The following HDAC9 variants were observed in gnomAD, a reference collection of about 807,000 sequenced individuals.
HDAC9 encodes MEF-2 interacting transcription repressor (MITR) protein.
A neutral mutation model predicts 139.4 loss-of-function variants in HDAC9; 41 were observed. The ratio of observed to expected loss-of-function variants is 0.29; its 90% CI spans 0.23 to 0.38. The LOEUF (loss-of-function observed/expected upper bound fraction) is 0.38. HDAC9 is among the 10% of genes least tolerant of loss of function. HDAC9 has a pLI of 1.00. For synonymous variants in HDAC9, 517 were observed against 476.2 expected (o/e 1.09, Z -1.12); for missense variants, 1,147 against 1,297.0 (o/e 0.88, Z 1.78).
chr7:18,961,561 AT>A (rs1230383189), intron 24 of HDAC9, among the ~76,000 whole-genome samples: 1 of 152,184 alleles, frequency 6.6e-6, no homozygotes, highest in Admixed American at 6.6e-5. Flanking sequence ...CGGAATATAC[AT>A]TTTCACTGTA....
At chr7:18,336,959 TTAAAG>T (rs1162004542) in intron 1 of HDAC9, among the ~76,000 whole-genome samples, 3 of 151,630 alleles carry the variant, frequency 2.0e-5, no homozygotes, top group Non-Finnish European at 3.0e-5. Flanking sequence ...AAGCGTATAA[TTAAAG>T]TAAAATGAGC....
At chr7:18,883,495 A>G (rs1032544921) in intron 22 of HDAC9, among the ~76,000 whole-genome samples, 5 of 152,170 alleles carry the variant, frequency 3.3e-5, no homozygotes, top group African/African-American at 1.2e-4. Context: ...ATGTCCTTTT[A>G]TAATAAAAAC....
At chr7:18,329,400 C>A (rs1437166350) in intron 1 of HDAC9, among the ~76,000 whole-genome samples, 1 of 151,506 alleles carries the variant, frequency 6.6e-6, no homozygotes, top group African/African-American at 2.4e-5. Context: ...TAACATAAAT[C>A]AAAATAACAT....
intron 2 of HDAC9, among the ~76,000 whole-genome samples, chr7:18,546,315 G>A (rs1352127087): frequency 6.6e-6 from 1 of 152,166 alleles, no homozygotes; most frequent in African/African-American, 2.4e-5. Context: ...GGGATATATA[G>A]TCCCATGCAT....
At chr7:18,782,927 G>A (rs552865353) in intron 16 of HDAC9, among the ~76,000 whole-genome samples, 5 of 152,184 alleles carry the variant, frequency 3.3e-5, no homozygotes, top group African/African-American at 1.2e-4. Flanking sequence ...TAACGCTAAG[G>A]CAACAAAATA....
chr7:18,456,759 G>A (rs184931961), intron 1 of HDAC9, among the ~76,000 whole-genome samples: 5 of 152,224 alleles, frequency 3.3e-5, no homozygotes, highest in Admixed American at 3.3e-4. Flanking sequence ...ACTTAAATGG[G>A]ATGATTCGCA....
chr7:18,495,749 G>A lies in HDAC9; in HGVS notation c.-316G>A, dbSNP rs1382243858. 3 of 990,288 alleles carry A rather than the reference G, an allele frequency of 3.0e-6. No individual in the cohort carries two copies. The highest frequency in any genetic ancestry group is 4.7e-5 in the South Asian group (1 of 21,398). 61.3% of individuals were successfully genotyped at this position (990,288 alleles called of 1,614,324 possible). On this transcript the variant is annotated 5_prime_UTR_variant, in exon 1 of 26. Coordinates refer to ENST00000686413, the MANE Select transcript of HDAC9 (RefSeq NM_178425.4). The stretch of plus-strand genomic sequence containing the variant: ...GAGCTGAGAGAGACTGAGAAAGGGG[G>A]AAGAGAGGCACAGACACAGATAGGA...
At chr7:18,408,492 A>G (rs1258803159) in intron 1 of HDAC9, among the ~76,000 whole-genome samples, 4 of 152,216 alleles carry the variant, frequency 2.6e-5, no homozygotes, top group Non-Finnish European at 5.9e-5. Flanking sequence ...TCACATAAAT[A>G]AAACACTAGA....
chr7:18,623,831 A>G (rs1299730105), intron 6 of HDAC9, among the ~76,000 whole-genome samples: 1 of 152,114 alleles, frequency 6.6e-6, no homozygotes, highest in Non-Finnish European at 1.5e-5. Context: ...AATCCCAGCT[A>G]CTTGGGAGGC....
At chr7:18,386,319 T>A (rs1785927394) in intron 1 of HDAC9, among the ~76,000 whole-genome samples, 1 of 152,240 alleles carries the variant, frequency 6.6e-6, no homozygotes, top group South Asian at 2.1e-4. Flanking sequence ...TTCATTTCCT[T>A]GAGTAATTCC....
intron 23 of HDAC9, chr7:18,949,120 TG>T (rs1782607978): frequency 3.3e-6 from 1 of 301,556 alleles, no homozygotes; most frequent in Non-Finnish European, 6.4e-6. Flanking sequence ...CTTGACCTTT[TG>T]GGTCTTGATG....
At chr7:18,491,021 G>A (rs1023882672), upstream of HDAC9, among the ~76,000 whole-genome samples, 1 of 151,880 alleles carries the variant, frequency 6.6e-6, no homozygotes, top group African/African-American at 2.4e-5. Context: ...CTTGATTACA[G>A]ATGAACTGAT....
At position 18,438,749 on chromosome 7, in the gene HDAC9, T is replaced by G. The variant is rs138302649; in HGVS notation, c.-41-57513T>G. On this transcript the variant is annotated intron_variant, in intron 1 of 3. Transcript: ENST00000413509. ...GTTCAGAAAAAGGGATCTGGAAAGA[T>G]ATACAGAAAAGTGTTAATAATTGTT... is the stretch of plus-strand genomic sequence containing the variant. Among the ~76,000 whole-genome samples, 176 of 152,118 alleles carry G rather than the reference T, an allele frequency of 1.2e-3. No individual in the cohort carries two copies. The East Asian group carries it at 0.032, about 27-fold the overall frequency.
intron 2 of HDAC9, among the ~76,000 whole-genome samples, chr7:18,530,023 C>T (rs1313277229): frequency 2.0e-5 from 3 of 151,924 alleles, no homozygotes; most frequent in African/African-American, 7.3e-5. Context: ...GTAATCCCAG[C>T]AATTTGGGGG....
chr7:18,129,463 T>A (rs555347223), intron 1 of HDAC9, among the ~76,000 whole-genome samples: 5 of 152,306 alleles, frequency 3.3e-5, no homozygotes, highest in African/African-American at 4.8e-5. Context: ...TAGTAGGGTC[T>A]TATGTGTACT....
At chr7:18,845,512 A>G (rs1796846528) in intron 21 of HDAC9, among the ~76,000 whole-genome samples, 1 of 152,170 alleles carries the variant, frequency 6.6e-6, no homozygotes, top group South Asian at 2.1e-4. Flanking sequence ...GTGTAACTGA[A>G]CCACGAGGTT....
chr7:18,904,730 C>T (rs1802058655), intron 22 of HDAC9, among the ~76,000 whole-genome samples: 1 of 151,526 alleles, frequency 6.6e-6, no homozygotes, highest in Non-Finnish European at 1.5e-5. Context: ...CAACCGCCAC[C>T]ACGCCCGGCT....
chr7:18,257,270 GAGGAT>G (rs879942993), intron 2 of HDAC9, among the ~76,000 whole-genome samples: 60,688 of 150,814 alleles, frequency 0.4, 14,012 homozygotes, highest in Admixed American at 0.52. Context: ...AGCTCAGGAG[GAGGAT>G]CGCTTGAGCT....
At chr7:18,886,480 C>T (rs2024022) in intron 22 of HDAC9, among the ~76,000 whole-genome samples, 1 of 151,966 alleles carries the variant, frequency 6.6e-6, no homozygotes, top group South Asian at 2.1e-4. Context: ...TTTGACATAT[C>T]TGAAATTGGA....
Sources: allele counts gnomAD v4.1 joint callset (sites outside exome capture counted in the v4.1 genomes callset), GRCh38; gene constraint gnomAD v4.1.1; transcripts MANE v1.5; gene names NCBI Gene and HGNC (gene_info 2026-07-23, HGNC 2026-07-21).